Variants in FCGR1A observed in about 807,000 individuals in gnomAD.
FCGR1A encodes high affinity immunoglobulin gamma Fc receptor I.
In FCGR1A, 13 loss-of-function variants were observed where a neutral mutation model predicts 35.0. The ratio of observed to expected loss-of-function variants is 0.37; its 90% CI spans 0.24 to 0.59. The LOEUF (loss-of-function observed/expected upper bound fraction) is 0.59, where lower values mean the gene tolerates loss of function less well. Among genes scored for constraint, FCGR1A ranks in the 20% least tolerant of loss-of-function variants. FCGR1A has a pLI of 0.71. For synonymous variants in FCGR1A, 91 were observed against 164.7 expected (o/e 0.55, Z 3.43); for missense variants, 227 against 430.0 (o/e 0.53, Z 4.17).
At chr1:149,785,091 A>C (rs2091505735) in intron 3 of FCGR1A, among the ~76,000 whole-genome samples, 1 of 152,246 alleles carries the variant, frequency 6.6e-6, no homozygotes, top group Non-Finnish European at 1.5e-5. Flanking sequence ...GTTTCTATTC[A>C]TCAAGAGATG....
downstream of FCGR1A, chr1:149,793,356 C>G: frequency 4.4e-6 from 5 of 1,138,308 alleles, no homozygotes; most frequent in Non-Finnish European, 5.5e-6. Context: ...GGAGCTGGCT[C>G]GGCGGGATCA....
chr1:149,792,584 G>C, downstream of FCGR1A: 3 of 1,197,402 alleles, frequency 2.5e-6, no homozygotes, highest in Non-Finnish European at 3.2e-6. Flanking sequence ...GTCGCGCTCC[G>C]AGCGTGTCCC....
At chr1:149,789,827 G>A (rs2091655822) in intron 4 of FCGR1A, among the ~76,000 whole-genome samples, 1 of 152,126 alleles carries the variant, frequency 6.6e-6, no homozygotes. Context: ...AAAGGTTGGG[G>A]ACCACTGGTA....
At chr1:149,787,315 T>C (rs1284110875) in intron 3 of FCGR1A, 1 of 152,234 alleles carries the variant, frequency 6.6e-6, no homozygotes, top group African/African-American at 2.4e-5. Flanking sequence ...CTTAGTCTCC[T>C]AAGAACCCCA....
In FCGR1A at chr1:149,788,621, T is replaced by C. The variant is rs2102049171; in HGVS notation, c.559+4T>C. On this transcript the variant is annotated splice_donor_region_variant and intron_variant, in intron 4 of 5. Transcript: ENST00000369168. ...GGAATATCTGTCACTGTGAAAGGTA[T>C]TGTATTGGAATAGTCATAGAACTGA... 6.2e-7 allele frequency: 1 copy of C among 1,613,976 alleles called. No individual in the cohort carries two copies. Among genetic ancestry groups the C allele is most frequent in the African/African-American group, 1.3e-5 (1 of 75,022 alleles).
At position 149,790,092 on chromosome 1, in the gene FCGR1A, T is replaced by A. The variant is rs782581131; in HGVS notation, c.598T>A (p.Ser200Thr). Residue 200 changes from serine to threonine, a missense_variant, in exon 5 of 6, where the codon TCC becomes ACC. Physicochemically the swap from Ser to Thr is moderately conservative, Grantham distance 58 (BLOSUM62 1). Transcript: ENST00000369168. The part of the protein sequence containing the change: ...PAPVLNASVT[S>T]PLLEGNLVTL... ...TCCAGTGCTGAATGCATCTGTGACA[T>A]CCCCACTCCTGGAGGGGAATCTGGT... The A allele has an allele frequency of 1.2e-5, 20 of 1,613,640 alleles. No homozygotes were observed. Among genetic ancestry groups the A allele is most frequent in the Non-Finnish European group, 1.6e-5 (19 of 1,179,864 alleles).
chr1:149,790,111 A>G lies in FCGR1A; in HGVS notation c.617A>G (p.Asn206Ser). The change falls in exon 5 of 6, where the codon AAT becomes AGT. Residue 206 changes from asparagine to serine, a missense_variant. Physicochemically the swap from Asn to Ser is conservative, Grantham distance 46 (BLOSUM62 1). Transcript: ENST00000369168. ...GTGACATCCCCACTCCTGGAGGGGA[A>G]TCTGGTCACCCTGAGCTGTGAAACA... The part of the protein sequence containing the change: ...ASVTSPLLEG[N>S]LVTLSCETKL... 6.2e-7 allele frequency: 1 copy of G among 1,613,886 alleles called. No individual in the cohort carries two copies. Among genetic ancestry groups the G allele is most frequent in the Non-Finnish European group, 8.5e-7 (1 of 1,179,864 alleles).
intron 3 of FCGR1A, chr1:149,786,700 C>T (rs1190208291): frequency 1.2e-4 from 18 of 152,034 alleles, no homozygotes; most frequent in Admixed American, 3.9e-4. Context: ...AGCTGCATCT[C>T]GTGAGTTTTG....
chr1:149,800,361 T>C, the FCGR1A span, among the ~76,000 whole-genome samples: 1 of 151,630 alleles, frequency 6.6e-6, no homozygotes, highest in Non-Finnish European at 1.5e-5. Context: ...CATTGGCCAT[T>C]GGTGATCGGC....
intron 3 of FCGR1A, 117 bp downstream of exon 3, chr1:149,784,374 T>C (rs1407285213): frequency 6.2e-7 from 1 of 1,601,570 alleles, no homozygotes; most frequent in Admixed American, 1.7e-5. Context: ...CTCAGCACTA[T>C]GTACCTACCA....
At chr1:149,792,267 C>A (rs587639792), downstream of FCGR1A, 79 of 198,916 alleles carry the variant, frequency 4.0e-4, 1 homozygote, top group South Asian at 4.7e-3. Flanking sequence ...AAGTGCGGCA[C>A]TGCAAAGAGA....
Position 149,791,237 on chromosome 1 carries a change from G to C in FCGR1A, c.845G>C (p.Gly282Ala). The C allele has an allele frequency of 6.2e-7, 1 of 1,605,194 alleles. No homozygotes were observed. ...RSPELELQVL[G>A]LQLPTPVWFH... ...TTCTCTTTGTCTTTTTCTGTTTCAG[G>C]CCTCCAGTTACCAACTCCTGTCTGG... Residue 282 changes from glycine (G) to alanine (A), a missense_variant and splice_region_variant, in exon 6 of 6, where the codon GGC (glycine) becomes GCC (alanine). Gly to Ala is a moderately conservative substitution (Grantham distance 60). Around this residue, in one of 3 missense-constraint regions of FCGR1A, gnomAD observed 185 missense variants for 306.6 expected, o/e 0.60. Coordinates refer to ENST00000369168, the MANE Select transcript of FCGR1A (RefSeq NM_000566.4).
intron 3 of FCGR1A, chr1:149,786,187 C>A (rs1487276708): frequency 2.0e-5 from 3 of 151,932 alleles, no homozygotes; most frequent in Non-Finnish European, 4.4e-5. Flanking sequence ...GCAAATTAAG[C>A]ATTTCCCTAA....
At chr1:149,796,992 A>C in the FCGR1A span, among the ~76,000 whole-genome samples, 1 of 152,204 alleles carries the variant, frequency 6.6e-6, no homozygotes, top group Admixed American at 6.5e-5. Context: ...AGCTAACTGC[A>C]ACCTCCATCT....
At chr1:149,796,242 A>G (rs1294114030), downstream of FCGR1A, among the ~76,000 whole-genome samples, 3 of 152,228 alleles carry the variant, frequency 2.0e-5, no homozygotes, top group African/African-American at 7.2e-5. Context: ...AAAAGAATAA[A>G]TTGTGGAGAG....
intron 5 of FCGR1A, 79 bp from the exon 6 acceptor site, chr1:149,791,158 C>T: frequency 1.9e-6 from 3 of 1,604,076 alleles, no homozygotes; most frequent in Admixed American, 3.4e-5. Flanking sequence ...CTCAGCCAAC[C>T]TTCCCTTCCA....
chr1:149,795,522 AC>A (rs1454441472), downstream of FCGR1A, among the ~76,000 whole-genome samples: 1 of 116,800 alleles, frequency 8.6e-6, no homozygotes, highest in African/African-American at 3.5e-5. Flanking sequence ...GGCTCCAGAC[AC>A]CCCTCCCTTC....
intron 3 of FCGR1A, chr1:149,785,547 G>C (rs2091525198): frequency 1.3e-5 from 2 of 149,596 alleles, no homozygotes. Context: ...TCAAGCAGAA[G>C]TGTTTCATGG....
chr1:149,796,574 C>G (rs1484680958), downstream of FCGR1A, among the ~76,000 whole-genome samples: 2 of 152,090 alleles, frequency 1.3e-5, no homozygotes, highest in Non-Finnish European at 2.9e-5. Context: ...CATTTTCTAC[C>G]TTGAATTCTA....
Sources: allele counts gnomAD v4.1 joint callset (sites outside exome capture counted in the v4.1 genomes callset), GRCh38; gene constraint gnomAD v4.1.1; regional missense constraint gnomAD v4.1.1; transcripts MANE v1.5; gene names NCBI Gene and HGNC (gene_info 2026-07-23, HGNC 2026-07-21).